CDH18: variants seen among roughly 807,000 people sequenced by gnomAD.
CDH18 encodes cadherin 18, also known as cadherin-18.
Under a neutral mutation model 67.9 loss-of-function variants are expected in CDH18, and 31 were observed. The ratio of observed to expected loss-of-function variants is 0.46; its 90% CI spans 0.34 to 0.62. The LOEUF is 0.62. CDH18 is among the 20% of genes least tolerant of loss of function. CDH18 has a pLI of 0.01. For missense variants in CDH18, 890 were observed against 975.5 expected (o/e 0.91, Z 1.17); for synonymous variants, 362 against 347.2 (o/e 1.04, Z -0.48).
At chr5:19,579,042 T>C (rs1742783727) in intron 7 of CDH18, among the ~76,000 whole-genome samples, 1 of 152,042 alleles carries the variant, frequency 6.6e-6, no homozygotes, top group African/African-American at 2.4e-5. Flanking sequence ...TTGAATTAAA[T>C]GATATAGCCC....
chr5:19,578,647 T>A (rs550990701), intron 7 of CDH18, among the ~76,000 whole-genome samples: 1 of 152,046 alleles, frequency 6.6e-6, no homozygotes, highest in Non-Finnish European at 1.5e-5. Flanking sequence ...GTTACATATT[T>A]AATTCATCTA....
chr5:20,141,928 T>C lies in CDH18; in HGVS notation c.-518+113516A>G, dbSNP rs369980289. Among the ~76,000 whole-genome samples the C allele has an allele frequency of 2.6e-5, 4 of 151,984 alleles. No homozygotes were observed. The East Asian group carries it at 5.8e-4, about 22-fold the overall frequency. On this transcript the variant is annotated intron_variant, in intron 2 of 14. Transcript: ENST00000507958. ...AAAGTATTAATATTAAGAGTAAAAA[T>C]AGAGCAAAATGTGAAAATAAATTTT... is the stretch of plus-strand genomic sequence containing the variant.
At chr5:19,753,613 T>C (rs1771141825) in intron 3 of CDH18, among the ~76,000 whole-genome samples, 1 of 152,022 alleles carries the variant, frequency 6.6e-6, no homozygotes, top group South Asian at 2.1e-4. Context: ...GGGGAAAAAA[T>C]TGAGGAAATA....
intron 2 of CDH18, among the ~76,000 whole-genome samples, chr5:20,240,021 T>G (rs1411941320): frequency 2.6e-5 from 4 of 152,072 alleles, no homozygotes; most frequent in African/African-American, 9.7e-5. Context: ...AATATATGTA[T>G]TTTAGAACAA....
Position 19,719,491 on chromosome 5 carries a change from C to T in CDH18, c.643+1856G>A, listed in dbSNP as rs373127886. On this transcript the variant is annotated intron_variant, in intron 5 of 12. Coordinates refer to ENST00000382275, the MANE Select transcript of CDH18 (RefSeq NM_004934.5). ...GAAAATAGAACAAAATGTGAAATAT[C>T]ACCATTAAAGAATGGCGAGCTTTTC... is the stretch of plus-strand genomic sequence containing the variant. 1.3e-4 allele frequency among the ~76,000 whole-genome samples: 20 copies of T among 151,996 alleles called. No individual in the cohort carries two copies. In the East Asian group the frequency reaches 3.7e-3, roughly 28 times the overall value.
At chr5:19,832,382 A>C (rs1347348012) in intron 3 of CDH18, among the ~76,000 whole-genome samples, 1 of 152,128 alleles carries the variant, frequency 6.6e-6, no homozygotes, top group Non-Finnish European at 1.5e-5. Context: ...ATCTATTAAA[A>C]AAACATTCTT....
intron 2 of CDH18, among the ~76,000 whole-genome samples, chr5:20,214,987 G>T (rs1740645477): frequency 6.6e-6 from 1 of 151,724 alleles, no homozygotes; most frequent in Non-Finnish European, 1.5e-5. Context: ...AACTTTAACA[G>T]ATTTACAATA....
rs867433795 is a variant in CDH18 at position 20,334,443 on chromosome 5, G to A, written c.-579-78938C>T. Among the ~76,000 whole-genome samples the A allele has an allele frequency of 6.2e-4, 95 of 152,092 alleles. 1 individual carries two copies. Among genetic ancestry groups the A allele is most frequent in the Middle Eastern group, 3.4e-3 (1 of 294 alleles). The stretch of plus-strand genomic sequence containing the variant: ...TGAGCCACCGCGCCCGGCCTGACTT[G>A]AATTCTTAATAGGCACTGGAAAGAC... On this transcript the variant is annotated intron_variant, in intron 1 of 14. Transcript: ENST00000507958.
intron 2 of CDH18, among the ~76,000 whole-genome samples, chr5:19,948,098 G>C (rs1795444032): frequency 6.6e-6 from 1 of 152,164 alleles, no homozygotes; most frequent in Non-Finnish European, 1.5e-5. Flanking sequence ...ACACCATTTA[G>C]AATAGCTAAT....
intron 1 of CDH18, among the ~76,000 whole-genome samples, chr5:20,347,819 C>T (rs541466502): frequency 6.6e-6 from 1 of 152,158 alleles, no homozygotes; most frequent in Non-Finnish European, 1.5e-5. Context: ...GAACATTTAC[C>T]TCTCCCATTT....
At chr5:19,535,082 C>T (rs1749203546) in intron 9 of CDH18, among the ~76,000 whole-genome samples, 3 of 152,124 alleles carry the variant, frequency 2.0e-5, no homozygotes, top group Non-Finnish European at 4.4e-5. Flanking sequence ...TCTTGAATAC[C>T]TCTGAACCTG....
intron 2 of CDH18, among the ~76,000 whole-genome samples, chr5:20,032,465 A>G (rs1255501514): frequency 6.6e-6 from 1 of 152,038 alleles, no homozygotes; most frequent in Non-Finnish European, 1.5e-5. Flanking sequence ...TAGTAATAAT[A>G]TATATGAAAT....
At chr5:19,552,974 C>T (rs1257643191) in intron 8 of CDH18, among the ~76,000 whole-genome samples, 3 of 152,052 alleles carry the variant, frequency 2.0e-5, no homozygotes, top group Non-Finnish European at 4.4e-5. Context: ...AAAGAAAATG[C>T]ATTATATTGA....
rs17225019 is a variant in CDH18 at position 20,210,451 on chromosome 5, C to T, written c.-518+44993G>A. On this transcript the variant is annotated intron_variant, in intron 2 of 14. Transcript: ENST00000507958. ...TTTTCCCATATGTCCATAGAGCTTA[C>T]AAGAATTTTATTTGTTGTAATTTTA... is the stretch of plus-strand genomic sequence containing the variant. Among the ~76,000 whole-genome samples the T allele has an allele frequency of 4.6e-5, 7 of 151,968 alleles. No individual in the cohort carries two copies. The East Asian group carries it at 1.4e-3, about 29-fold the overall frequency.
At chr5:19,798,015 C>T (rs1016773794) in intron 3 of CDH18, among the ~76,000 whole-genome samples, 4 of 152,122 alleles carry the variant, frequency 2.6e-5, no homozygotes, top group African/African-American at 9.6e-5. Flanking sequence ...AATAGAACTC[C>T]ACAAATATCT....
rs1738889465 is a variant in CDH18, at chr5:20,328,926, G to GAT, written c.-579-73422_-579-73421insAT. Among the ~76,000 whole-genome samples, 7 of 151,814 alleles carry GAT rather than the reference G, an allele frequency of 4.6e-5. No individual in the cohort carries two copies. In the East Asian group the frequency reaches 5.8e-4, roughly 13 times the overall value. ...AGCCTGGATATGTCCAGACTGCAAT[G>GAT]TGATTGCACCATTGCACTTCAGCTC... On this transcript the variant is annotated intron_variant, in intron 1 of 14. Transcript: ENST00000507958.
In CDH18 at chr5:20,354,336, T is replaced by G. The variant is rs77087925; in HGVS notation, c.-579-98831A>C. Among the ~76,000 whole-genome samples, 464 of 152,312 alleles carry G rather than the reference T, an allele frequency of 3.0e-3. 8 individuals carry two copies. The highest frequency in any genetic ancestry group is 0.011 in the African/African-American group (441 of 41,576). ...ATACGTTAAATTTAGCAAAACTATT[T>G]ATAATTTTATTCACAATAAGAAAGC... On this transcript the variant is annotated intron_variant, in intron 1 of 14. Transcript: ENST00000507958.
At chr5:20,015,851 A>T (rs1010383468) in intron 2 of CDH18, among the ~76,000 whole-genome samples, 1 of 152,258 alleles carries the variant, frequency 6.6e-6, no homozygotes, top group South Asian at 2.1e-4. Context: ...AAAGCAAATT[A>T]GTTGGTATAG....
rs200255265 is a variant in CDH18 at position 19,591,041 on chromosome 5, A to C, written c.999+16T>G. 1.3e-6 allele frequency: 2 copies of C among 1,520,668 alleles called. No homozygotes were observed. Among genetic ancestry groups the C allele is most frequent in the East Asian group, 4.7e-5 (2 of 42,876 alleles). The allele number at this position is 1,520,668 out of a possible 1,614,324, so 94.2% of individuals were successfully genotyped here. A position where few individuals can be genotyped will look rare whatever the true frequency, so the allele number is the denominator to read the frequency against. On this transcript the variant is annotated intron_variant, in intron 7 of 12. Coordinates refer to ENST00000382275, the MANE Select transcript of CDH18 (RefSeq NM_004934.5). ...TGAGTGAGTTGCCTGAATCACAAAA[A>C]GTATGTTCTTTTTACCTTCTTTAAA...
Sources: allele counts gnomAD v4.1 joint callset (sites outside exome capture counted in the v4.1 genomes callset), GRCh38; gene constraint gnomAD v4.1.1; transcripts MANE v1.5; gene names NCBI Gene and HGNC (gene_info 2026-07-23, HGNC 2026-07-21).